CNTNAP4: variants seen among roughly 807,000 people sequenced by gnomAD.
The protein encoded by CNTNAP4 is contactin associated protein family member 4, also known as contactin-associated protein-like 4.
In CNTNAP4, 98 loss-of-function variants were observed where a neutral mutation model predicts 148.4. The ratio of observed to expected loss-of-function variants is 0.66; its 90% CI spans 0.56 to 0.78. The LOEUF (loss-of-function observed/expected upper bound fraction) is 0.78, where lower values mean the gene tolerates loss of function less well. Ranked by LOEUF, CNTNAP4 falls within the 30% of genes least tolerant of loss-of-function variation. CNTNAP4 has a pLI of 0.00. For synonymous variants in CNTNAP4, 730 were observed against 565.1 expected, an observed-to-expected ratio of 1.29 and a Z score of -4.14; for missense variants, 1,935 against 1,565.6, an observed-to-expected ratio of 1.24 and a Z score of -3.98.
Position 76,329,451 on chromosome 16 carries a change from G to A in CNTNAP4, c.196+12928G>A, listed in dbSNP as rs551590846. Reference sequence around the variant, plus strand: ...GTTTTATAATTTAAAATCTGTTCCCGTGCACTATCTCCTTTGATTTTTAAC... The same window carrying A: ...GTTTTATAATTTAAAATCTGTTCCCATGCACTATCTCCTTTGATTTTTAAC... On this transcript the variant is annotated intron_variant, in intron 2 of 23. Transcript: ENST00000611870. 2.6e-5 allele frequency among the ~76,000 whole-genome samples: 4 copies of A among 152,186 alleles called. No homozygotes were observed. The East Asian group carries it at 5.8e-4, about 22-fold the overall frequency.
At chr16:76,449,062 G>A (rs2080357578) in intron 6 of CNTNAP4, 111 bp downstream of exon 6, 2 of 1,017,482 alleles carry the variant, frequency 2.0e-6, no homozygotes, top group African/African-American at 1.6e-5. Flanking sequence ...TCATAGAACA[G>A]GTGAAGCATT....
intron 15 of CNTNAP4, among the ~76,000 whole-genome samples, chr16:76,519,268 T>G (rs778675944): frequency 5.3e-5 from 8 of 152,194 alleles, no homozygotes; most frequent in Admixed American, 1.3e-4. Context: ...GTGCTGAATA[T>G]GCCTAAAGTA....
chr16:76,288,576 A>T (rs564011156), intron 1 of CNTNAP4, among the ~76,000 whole-genome samples: 128 of 152,338 alleles, frequency 8.4e-4, no homozygotes, highest in Non-Finnish European at 1.6e-3. Flanking sequence ...CAGAAATTTC[A>T]TAGCACTTCA....
chr16:76,448,734 A>G (rs375002152), intron 5 of CNTNAP4, 33 bp from the exon 6 acceptor site: 159 of 1,509,054 alleles, frequency 1.1e-4, no homozygotes, highest in Non-Finnish European at 1.4e-4. Context: ...TAGACTGGCA[A>G]TAATGGTGCT....
intron 3 of CNTNAP4, among the ~76,000 whole-genome samples, chr16:76,417,616 G>A (rs8046745): frequency 0.38 from 57,657 of 151,262 alleles, 11,159 homozygotes; most frequent in Middle Eastern, 0.49. Flanking sequence ...GTAAATGTTT[G>A]TCTTTTAACT....
intron 2 of CNTNAP4, among the ~76,000 whole-genome samples, chr16:76,347,794 C>T (rs948305033): frequency 2.0e-5 from 3 of 150,718 alleles, no homozygotes; most frequent in Non-Finnish European, 2.9e-5. Context: ...AAATGGAGGG[C>T]AGTGAACTGG....
chr16:76,522,674 CTCT>C (rs1412892749), intron 17 of CNTNAP4, among the ~76,000 whole-genome samples: 12 of 80,962 alleles, frequency 1.5e-4, no homozygotes, highest in African/African-American at 4.3e-4. Flanking sequence ...TTCCTTCTTT[CTCT>C]CTTTCTCTCC....
At chr16:76,544,680 C>G (rs1227614438) in intron 21 of CNTNAP4, among the ~76,000 whole-genome samples, 1 of 152,126 alleles carries the variant, frequency 6.6e-6, no homozygotes, top group Non-Finnish European at 1.5e-5. Flanking sequence ...CTCTTGAGTT[C>G]TATTCCTGGA....
chr16:76,346,116 A>G (rs1203090013), intron 2 of CNTNAP4, among the ~76,000 whole-genome samples: 1 of 152,190 alleles, frequency 6.6e-6, no homozygotes, highest in Admixed American at 6.5e-5. Context: ...ATGTGTATTC[A>G]AGACCGAATT....
intron 3 of CNTNAP4, among the ~76,000 whole-genome samples, chr16:76,358,122 C>G (rs1259368403): frequency 2.6e-5 from 4 of 152,070 alleles, no homozygotes; most frequent in Non-Finnish European, 4.4e-5. Context: ...TCACTTGAGG[C>G]CAGGAGTTCG....
intron 4 of CNTNAP4, among the ~76,000 whole-genome samples, chr16:76,429,379 A>G (rs931371985): frequency 2.6e-5 from 4 of 152,096 alleles, no homozygotes; most frequent in African/African-American, 9.7e-5. Flanking sequence ...CACCTTGCAA[A>G]ATACTTGTCT....
chr16:76,517,367 G>C (rs1226259770), intron 15 of CNTNAP4, among the ~76,000 whole-genome samples: 1 of 152,060 alleles, frequency 6.6e-6, no homozygotes, highest in Non-Finnish European at 1.5e-5. Context: ...TAGATAAAGG[G>C]TGCATGGAAT....
intron 2 of CNTNAP4, among the ~76,000 whole-genome samples, chr16:76,331,249 G>A (rs536274823): frequency 1.8e-4 from 28 of 151,508 alleles, no homozygotes; most frequent in Admixed American, 3.9e-4. Context: ...GTGCAGTGGC[G>A]CGATCTCGGC....
intron 3 of CNTNAP4, among the ~76,000 whole-genome samples, chr16:76,408,836 C>G (rs958939056): frequency 2.0e-5 from 3 of 151,908 alleles, no homozygotes; most frequent in Non-Finnish European, 4.4e-5. Context: ...AGAGTCCATT[C>G]TCTGAACATG....
At chr16:76,511,455 A>T (rs1453601809) in intron 15 of CNTNAP4, among the ~76,000 whole-genome samples, 1 of 152,122 alleles carries the variant, frequency 6.6e-6, no homozygotes, top group Non-Finnish European at 1.5e-5. Context: ...AAAGATATTG[A>T]CTAGTGATTT....
At chr16:76,316,602 A>G in intron 2 of CNTNAP4, 79 bp downstream of exon 2, 1 of 899,800 alleles carries the variant, frequency 1.1e-6, no homozygotes, top group Non-Finnish European at 1.8e-6. Flanking sequence ...AGTCATTATG[A>G]ATGATACATG....
At chr16:76,492,919 C>T (rs553705571) in intron 13 of CNTNAP4, among the ~76,000 whole-genome samples, 2 of 151,148 alleles carry the variant, frequency 1.3e-5, no homozygotes, top group South Asian at 4.2e-4. Context: ...TGAAGGAATC[C>T]CCACCTTTAA....
intron 3 of CNTNAP4, among the ~76,000 whole-genome samples, chr16:76,366,068 G>T (rs1425103692): frequency 6.6e-6 from 1 of 151,836 alleles, no homozygotes; most frequent in African/African-American, 2.4e-5. Flanking sequence ...TTAATTTTTT[G>T]ACTTTAAGTT....
chr16:76,415,983 A>G (rs1568075184), intron 3 of CNTNAP4, among the ~76,000 whole-genome samples: 1 of 149,710 alleles, frequency 6.7e-6, no homozygotes, highest in Non-Finnish European at 1.5e-5. Context: ...TCTTTTCTAA[A>G]ATATTTCTTA....
Sources: allele counts gnomAD v4.1 joint callset (sites outside exome capture counted in the v4.1 genomes callset), GRCh38; gene constraint gnomAD v4.1.1; transcripts MANE v1.5; gene names NCBI Gene and HGNC (gene_info 2026-07-23, HGNC 2026-07-21).